Variants in GLI2 observed in about 807,000 individuals in gnomAD.
The protein encoded by GLI2 is GLI family zinc finger 2, also known as transcription activator GLI2.
GLI2 carries 22 observed loss-of-function variants against 78.9 expected under a neutral mutation model. The ratio of observed to expected loss-of-function variants is 0.28; its 90% CI spans 0.20 to 0.40. The LOEUF is 0.40. GLI2 is among the 10% of genes least tolerant of loss of function. The pLI is 1.00. For synonymous variants in GLI2, 974 were observed against 963.7 expected, an observed-to-expected ratio of 1.01 and a Z score of -0.20; for missense variants, 2,097 against 2,213.2, an observed-to-expected ratio of 0.95 and a Z score of 1.05.
At chr2:120,838,415 AT>A (rs1686714961) in intron 2 of GLI2, among the ~76,000 whole-genome samples, 1 of 152,196 alleles carries the variant, frequency 6.6e-6, no homozygotes, top group South Asian at 2.1e-4. Context: ...TTTTATAGAC[AT>A]TTTATTTAAT....
chr2:120,921,429 C>T (rs1394502487), intron 2 of GLI2, among the ~76,000 whole-genome samples: 1 of 152,092 alleles, frequency 6.6e-6, no homozygotes, highest in Non-Finnish European at 1.5e-5. Context: ...CTGGTCTGGG[C>T]CTGCTCAGGA....
intron 2 of GLI2, among the ~76,000 whole-genome samples, chr2:120,880,327 T>C (rs1677056697): frequency 1.3e-5 from 2 of 152,326 alleles, no homozygotes; most frequent in South Asian, 4.1e-4. Flanking sequence ...AATTAGAGAA[T>C]TGGGCAAACT....
chr2:120,837,393 C>CA (rs768947767), intron 2 of GLI2, among the ~76,000 whole-genome samples: 22,196 of 76,244 alleles, frequency 0.29, 3,058 homozygotes, highest in Middle Eastern at 0.36. Context: ...GACTCCATCT[C>CA]AAAAAAAAAA....
intron 2 of GLI2, among the ~76,000 whole-genome samples, chr2:120,859,783 T>G (rs1389597815): frequency 4.8e-5 from 7 of 146,662 alleles, no homozygotes; most frequent in Non-Finnish European, 9.0e-5. Flanking sequence ...TGAGATGGAG[T>G]TTTGCTCTTG....
At position 120,842,305 on chromosome 2, in the gene GLI2, T is replaced by TACAC. The variant is rs557168500; in HGVS notation, c.148+44841_148+44844dup. ...ATATATGTGTGCTTACCTATAAATT[T>TACAC]ACACACATACATACATATATATGTT... On this transcript the variant is annotated intron_variant, in intron 2 of 13. Transcript: ENST00000361492. 5.5e-3 allele frequency among the ~76,000 whole-genome samples: 831 copies of TACAC among 152,308 alleles called. 5 individuals carry two copies. The highest frequency in any genetic ancestry group is 0.019 in the African/African-American group (792 of 41,570).
intron 1 of GLI2, among the ~76,000 whole-genome samples, chr2:120,743,607 G>T (rs1682614973): frequency 6.6e-6 from 1 of 152,204 alleles, no homozygotes; most frequent in South Asian, 2.1e-4. Context: ...TCTGGAAGAA[G>T]CTAAGGAAGA....
At chr2:120,846,550 C>G (rs984470910) in intron 2 of GLI2, among the ~76,000 whole-genome samples, 4 of 152,178 alleles carry the variant, frequency 2.6e-5, no homozygotes, top group African/African-American at 4.8e-5. Flanking sequence ...GGCACCTCTC[C>G]GGGCTGTTTT....
chr2:120,964,965 A>G (rs1681767997), intron 5 of GLI2, among the ~76,000 whole-genome samples: 2 of 152,262 alleles, frequency 1.3e-5, no homozygotes, highest in South Asian at 2.1e-4. Context: ...CCTCTCAAGC[A>G]TAGTTGCTTT....
intron 2 of GLI2, among the ~76,000 whole-genome samples, chr2:120,923,252 G>GCA (rs138046562): frequency 0.96 from 144,216 of 150,564 alleles, 69,096 homozygotes; most frequent in East Asian, 1. Context: ...ACACACAACA[G>GCA]CACACACATA....
chr2:120,825,476 A>T (rs1038820495), intron 2 of GLI2, among the ~76,000 whole-genome samples: 1 of 137,356 alleles, frequency 7.3e-6, no homozygotes, highest in Non-Finnish European at 1.5e-5. Context: ...GTGAGTGTGC[A>T]TCTGGCTGTG....
intron 2 of GLI2, among the ~76,000 whole-genome samples, chr2:120,842,584 G>A (rs1686939324): frequency 6.6e-6 from 1 of 152,190 alleles, no homozygotes; most frequent in South Asian, 2.1e-4. Flanking sequence ...CATGTTTGTG[G>A]GATGCAGGAT....
intron 1 of GLI2, among the ~76,000 whole-genome samples, chr2:120,746,688 C>CA (rs1405781834): frequency 6.6e-6 from 1 of 152,152 alleles, no homozygotes; most frequent in Non-Finnish European, 1.5e-5. Flanking sequence ...AAAAAAGCCG[C>CA]AAAACATTAT....
intron 2 of GLI2, among the ~76,000 whole-genome samples, chr2:120,812,919 G>C (rs1261522439): frequency 6.6e-6 from 1 of 152,122 alleles, no homozygotes; most frequent in African/African-American, 2.4e-5. Flanking sequence ...TCTTCTTTCT[G>C]TGTGTCCCCA....
intron 2 of GLI2, among the ~76,000 whole-genome samples, chr2:120,805,785 A>G (rs1426625069): frequency 1.3e-5 from 2 of 152,230 alleles, no homozygotes; most frequent in Non-Finnish European, 2.9e-5. Context: ...GGTTCTGTCA[A>G]AACTAATTTT....
In GLI2 at chr2:120,800,807, A is replaced by G. The variant is rs1309883677; in HGVS notation, c.148+3339A>G. On this transcript the variant is annotated intron_variant, in intron 2 of 13. Transcript: ENST00000361492. The surrounding 1 kb of genome is among the most constrained non-coding windows in gnomAD (Gnocchi z 4.1). ...AGGTGTGAGCCACCGCACCCGGCCG[A>G]AAGGGATGACTTATACGAGCTTAGT... Among the ~76,000 whole-genome samples, 1 of 152,096 alleles carries G rather than the reference A, an allele frequency of 6.6e-6. No homozygotes were observed. Among genetic ancestry groups the G allele is most frequent in the Non-Finnish European group, 1.5e-5 (1 of 68,010 alleles).
intron 5 of GLI2, among the ~76,000 whole-genome samples, chr2:120,968,352 C>T (rs975790278): frequency 2.0e-5 from 3 of 152,074 alleles, no homozygotes; most frequent in Non-Finnish European, 2.9e-5. Context: ...GAGAGGCCAC[C>T]GAACTGCTCA....
intron 1 of GLI2, among the ~76,000 whole-genome samples, chr2:120,765,711 C>T (rs764303443): frequency 2.2e-4 from 33 of 152,246 alleles, no homozygotes; most frequent in Non-Finnish European, 4.0e-4. Context: ...ACAGGAGATT[C>T]TGCAGGGTGG....
chr2:120,863,513 A>G (rs1037636409), intron 2 of GLI2, among the ~76,000 whole-genome samples: 5 of 152,260 alleles, frequency 3.3e-5, no homozygotes, highest in African/African-American at 1.2e-4. Flanking sequence ...TGTTTTAATC[A>G]GATGCTTAAT....
At chr2:120,921,008 C>G (rs1000152894) in intron 2 of GLI2, among the ~76,000 whole-genome samples, 14 of 152,076 alleles carry the variant, frequency 9.2e-5, no homozygotes, top group African/African-American at 3.1e-4. Flanking sequence ...TCTTCATGCT[C>G]CTCGTGGGCT....
Sources: gnomAD v4.1 joint callset for allele counts (sites outside exome capture counted in the v4.1 genomes callset) on GRCh38, gnomAD v4.1.1 for gene constraint, Gnocchi (gnomAD v3.1) non-coding constraint, MANE v1.5 for transcripts, NCBI Gene and HGNC (gene_info 2026-07-23, HGNC 2026-07-21) for gene names.